The following DLGAP1 variants were observed in gnomAD, a reference collection of about 807,000 sequenced individuals.
DLGAP1 encodes DLG associated protein 1, also known as disks large-associated protein 1.
A neutral mutation model predicts 90.8 loss-of-function variants in DLGAP1; 11 were observed. The ratio of observed to expected loss-of-function variants is 0.12; its 90% CI spans 0.08 to 0.20. The LOEUF (loss-of-function observed/expected upper bound fraction) is 0.20. DLGAP1 is among the 10% of genes least tolerant of loss of function. DLGAP1 has a pLI of 1.00. For missense variants in DLGAP1, 1,050 were observed against 1,333.8 expected, an observed-to-expected ratio of 0.79 and a Z score of 3.31; for synonymous variants, 558 against 540.7, an observed-to-expected ratio of 1.03 and a Z score of -0.44.
intron 1 of DLGAP1, among the ~76,000 whole-genome samples, chr18:4,227,038 C>G (rs908299214): frequency 6.6e-6 from 1 of 151,420 alleles, no homozygotes; most frequent in African/African-American, 2.4e-5. Context: ...CAAATGGAAA[C>G]CAAAAAAGAG....
chr18:3,890,310 A>AG (rs1248763391), intron 3 of DLGAP1, among the ~76,000 whole-genome samples: 11 of 152,236 alleles, frequency 7.2e-5, no homozygotes, highest in Non-Finnish European at 1.0e-4. Flanking sequence ...CCTGCATGAG[A>AG]GAGGGGTGGT....
chr18:3,616,631 T>C (rs2057880428), intron 7 of DLGAP1, among the ~76,000 whole-genome samples: 1 of 151,606 alleles, frequency 6.6e-6, no homozygotes, highest in African/African-American at 2.4e-5. Flanking sequence ...GGCGTGCACC[T>C]GTAGTCCCAG....
intron 1 of DLGAP1, among the ~76,000 whole-genome samples, chr18:4,278,652 G>GTGTGTA (rs1426189767): frequency 1.3e-5 from 2 of 152,046 alleles, no homozygotes; most frequent in African/African-American, 2.4e-5. Flanking sequence ...TCCATGGTGT[G>GTGTGTA]TGTGTATGTG....
At chr18:4,389,049 ACT>A (rs778274730) in intron 1 of DLGAP1, among the ~76,000 whole-genome samples, 1 of 152,198 alleles carries the variant, frequency 6.6e-6, no homozygotes, top group Non-Finnish European at 1.5e-5. Flanking sequence ...TTGAAGTGAC[ACT>A]TGTACACCTA....
At chr18:4,041,300 G>T (rs2074970696) in intron 2 of DLGAP1, among the ~76,000 whole-genome samples, 1 of 152,114 alleles carries the variant, frequency 6.6e-6, no homozygotes, top group Non-Finnish European at 1.5e-5. Flanking sequence ...ACATTTATCT[G>T]AGTGATTTTA....
At chr18:3,704,881 A>G (rs2061385434) in intron 7 of DLGAP1, among the ~76,000 whole-genome samples, 1 of 152,248 alleles carries the variant, frequency 6.6e-6, no homozygotes, top group Admixed American at 6.5e-5. Context: ...TTATGATTCC[A>G]TAATATTAGT....
intron 3 of DLGAP1, among the ~76,000 whole-genome samples, chr18:3,971,503 T>C (rs1023829668): frequency 1.3e-5 from 2 of 152,236 alleles, no homozygotes; most frequent in African/African-American, 2.4e-5. Context: ...TGTAAATAAG[T>C]CCAATGTATT....
chr18:3,897,896 G>A (rs555890974), intron 3 of DLGAP1, among the ~76,000 whole-genome samples: 32 of 143,822 alleles, frequency 2.2e-4, no homozygotes, highest in Non-Finnish European at 3.0e-4. Flanking sequence ...CCGGGTTCAC[G>A]CCATTCTCCT....
intron 1 of DLGAP1, among the ~76,000 whole-genome samples, chr18:4,153,813 A>G (rs1222490090): frequency 1.3e-5 from 2 of 152,122 alleles, no homozygotes; most frequent in East Asian, 1.9e-4. Context: ...AGCACTCTCC[A>G]TCCTGCAGTT....
chr18:4,234,736 T>C (rs2145079216), intron 1 of DLGAP1, among the ~76,000 whole-genome samples: 1 of 152,322 alleles, frequency 6.6e-6, no homozygotes, highest in South Asian at 2.1e-4. Flanking sequence ...AATTATATAC[T>C]ATGTCAACTC....
At chr18:4,158,409 T>C (rs1362808163) in intron 1 of DLGAP1, among the ~76,000 whole-genome samples, 1 of 152,192 alleles carries the variant, frequency 6.6e-6, no homozygotes, top group South Asian at 2.1e-4. Context: ...GCTTTCCGAA[T>C]AAGGGACCTG....
chr18:3,812,054 ACGGGATACTTAGGAG>A (rs1353027569), intron 5 of DLGAP1, among the ~76,000 whole-genome samples: 1 of 152,142 alleles, frequency 6.6e-6, no homozygotes, highest in Non-Finnish European at 1.5e-5. Context: ...TGACAACCTA[ACGGGATACTTAGGAG>A]GTGGAAAGGA....
intron 1 of DLGAP1, among the ~76,000 whole-genome samples, chr18:4,233,093 TAC>T (rs1173761477): frequency 6.6e-6 from 1 of 152,226 alleles, no homozygotes; most frequent in Non-Finnish European, 1.5e-5. Flanking sequence ...CAGTCTCCCA[TAC>T]CTTTCATCCA....
At chr18:4,054,375 G>T (rs2075181939) in intron 2 of DLGAP1, among the ~76,000 whole-genome samples, 2 of 152,116 alleles carry the variant, frequency 1.3e-5, no homozygotes, top group African/African-American at 2.4e-5. Flanking sequence ...CCATTAGTCT[G>T]TTTTGAAAAG....
In DLGAP1 at chr18:4,073,664, T is replaced by G. The variant is rs13313690; in HGVS notation, c.-158-68463A>C. 6.6e-4 allele frequency among the ~76,000 whole-genome samples: 100 copies of G among 152,282 alleles called. 2 individuals are homozygous for G. In the South Asian group the frequency reaches 0.019, roughly 29 times the overall value. On this transcript the variant is annotated intron_variant, in intron 2 of 12. Coordinates refer to ENST00000315677, the MANE Select transcript of DLGAP1 (RefSeq NM_004746.4). ...CTTTACCTACAAAAAACTAAGTGGA[T>G]AGAAACTTGATTAATTTCCAATGAA...
In DLGAP1 at chr18:3,682,484, T is replaced by C. The variant is rs149973293; in HGVS notation, c.1591+46651A>G. The stretch of plus-strand genomic sequence containing the variant: ...TAAAGTCTGAGGCCAGAGGTTTAGA[T>C]GTGTGGTACAGAAAATACACGAGAA... On this transcript the variant is annotated intron_variant, in intron 7 of 12. Coordinates refer to ENST00000315677, the MANE Select transcript of DLGAP1 (RefSeq NM_004746.4). Among the ~76,000 whole-genome samples, 1,358 of 152,338 alleles carry C rather than the reference T, an allele frequency of 8.9e-3. 22 individuals are homozygous for C. Among genetic ancestry groups the C allele is most frequent in the African/African-American group, 0.031 (1,297 of 41,588 alleles).
chr18:3,562,903 G>A (rs1453809298), intron 9 of DLGAP1, among the ~76,000 whole-genome samples: 2 of 151,852 alleles, frequency 1.3e-5, no homozygotes, highest in African/African-American at 4.8e-5. Flanking sequence ...ATCTCAGCTC[G>A]CTATAACCTC....
intron 3 of DLGAP1, among the ~76,000 whole-genome samples, chr18:3,904,761 T>C (rs990975673): frequency 2.6e-5 from 4 of 152,196 alleles, no homozygotes; most frequent in African/African-American, 9.7e-5. Context: ...CAAATGTTAA[T>C]TGATAATGTT....
intron 9 of DLGAP1, among the ~76,000 whole-genome samples, chr18:3,561,252 C>T (rs1372459465): frequency 1.9e-5 from 2 of 105,154 alleles, no homozygotes; most frequent in African/African-American, 1.0e-4. Context: ...ACCGTCTCTA[C>T]TAAAAAAAAA....
Sources: allele counts gnomAD v4.1 joint callset (sites outside exome capture counted in the v4.1 genomes callset), GRCh38; gene constraint gnomAD v4.1.1; transcripts MANE v1.5; gene names NCBI Gene and HGNC (gene_info 2026-07-23, HGNC 2026-07-21).